PRKAR1A: variants seen among roughly 807,000 people sequenced by gnomAD.
PRKAR1A encodes the protein protein kinase cAMP-dependent type I regulatory subunit alpha, also known as cAMP-dependent protein kinase type I-alpha regulatory subunit.
PRKAR1A carries 3 observed loss-of-function variants against 52.0 expected under a neutral mutation model. The observed-to-expected ratio is 0.06, with a 90% CI of 0.03 to 0.15. The LOEUF is 0.15. Ranked by LOEUF, PRKAR1A falls within the 10% of genes least tolerant of loss-of-function variation. The pLI is 1.00. For missense variants in PRKAR1A, 240 were observed against 477.4 expected, an observed-to-expected ratio of 0.50 and a Z score of 4.63; for synonymous variants, 188 against 168.4, an observed-to-expected ratio of 1.12 and a Z score of -0.90.
chr17:68,482,231 T>C, the PRKAR1A span, among the ~76,000 whole-genome samples: 30 of 152,364 alleles, frequency 2.0e-4, no homozygotes, highest in Non-Finnish European at 4.0e-4. Flanking sequence ...AAAACTTATG[T>C]CGTCTTTATT....
At chr17:68,450,861 A>G in the PRKAR1A span, 9 of 1,613,850 alleles carry the variant, frequency 5.6e-6, no homozygotes, top group South Asian at 9.9e-5. Flanking sequence ...GCTGCTGGAG[A>G]AGAGGCGCTC....
Position 68,531,403 on chromosome 17 carries a change from G to T in PRKAR1A, c.*954G>T. On this transcript the variant is annotated 3_prime_UTR_variant, in exon 11 of 11. Coordinates refer to ENST00000589228, the MANE Select transcript of PRKAR1A (RefSeq NM_002734.5). ...GATTCCAGGAGATTGGATTTGCTGT[G>T]ACTAGATACAGATGGAGCAAATGTC... 1 of 1,065,926 alleles carries T rather than the reference G, an allele frequency of 9.4e-7. No homozygotes were observed. The highest frequency in any genetic ancestry group is 5.0e-5 in the East Asian group (1 of 20,138). 66.0% of individuals were successfully genotyped at this position (1,065,926 alleles called of 1,614,324 possible). A position where few individuals can be genotyped will look rare whatever the true frequency, so the allele number is the denominator to read the frequency against.
At chr17:68,524,860 A>G in intron 5 of PRKAR1A, 52 bp from the exon 6 acceptor site, 1 of 1,381,932 alleles carries the variant, frequency 7.2e-7, no homozygotes, top group Admixed American at 1.7e-5. Flanking sequence ...TAATTTTGAT[A>G]ATTTCTTTCT....
At chr17:68,424,045 T>C in the PRKAR1A span, among the ~76,000 whole-genome samples, 1 of 152,138 alleles carries the variant, frequency 6.6e-6, no homozygotes, top group Non-Finnish European at 1.5e-5. Context: ...AGCCTCGACT[T>C]CAGGTAAATA....
chr17:68,514,666 T>C lies in PRKAR1A; in HGVS notation c.-6-728T>C, dbSNP rs1483505173. Among the ~76,000 whole-genome samples, 3 of 152,228 alleles carry C rather than the reference T, an allele frequency of 2.0e-5. No homozygotes were observed. The South Asian group carries it at 6.2e-4, about 31-fold the overall frequency. On this transcript the variant is annotated intron_variant, in intron 1 of 10. Coordinates refer to ENST00000589228, the MANE Select transcript of PRKAR1A (RefSeq NM_002734.5). ...TCCTGTCAAGATGAAGAAAATATTT[T>C]GACAATTTTCTGTCCAAATGTTTTA...
chr17:68,431,823 G>C, the PRKAR1A span, among the ~76,000 whole-genome samples: 1 of 16,686 alleles, frequency 6.0e-5, no homozygotes, highest in Non-Finnish European at 1.3e-4. Flanking sequence ...GGTCACCTGT[G>C]CTCACAGACA....
At chr17:68,535,744 C>T (rs558566550), downstream of PRKAR1A, 1 of 452,022 alleles carries the variant, frequency 2.2e-6, no homozygotes, top group South Asian at 1.6e-5. Context: ...GCTCCTGAGA[C>T]CAAGCGATCT....
intron 7 of PRKAR1A, among the ~76,000 whole-genome samples, chr17:68,527,020 G>A (rs1232947095): frequency 2.0e-5 from 3 of 152,218 alleles, no homozygotes; most frequent in African/African-American, 7.2e-5. Context: ...TGACCATACA[G>A]TTAGTTCTGC....
the PRKAR1A span, among the ~76,000 whole-genome samples, chr17:68,486,506 C>CTTCCCTCTTTCT: frequency 2.1e-5 from 1 of 48,200 alleles, no homozygotes; most frequent in African/African-American, 7.9e-5. Flanking sequence ...TCCTTCCTTC[C>CTTCCCTCTTTCT]TTCTTTCTTT....
At chr17:68,486,024 C>A in the PRKAR1A span, among the ~76,000 whole-genome samples, 1 of 152,166 alleles carries the variant, frequency 6.6e-6, no homozygotes, top group South Asian at 2.1e-4. Flanking sequence ...CAGGCGTGAG[C>A]CATCGTGCCC....
downstream of PRKAR1A, chr17:68,535,263 G>T (rs2086068220): frequency 2.2e-6 from 1 of 453,292 alleles, no homozygotes. Context: ...AGTAATGGAA[G>T]GTTGAAAGAT....
At position 68,515,480 on chromosome 17, in the gene PRKAR1A, T is replaced by C. The variant is rs1235317386; in HGVS notation, c.81T>C (p.Ile27=). 2 of 1,613,504 alleles carry C rather than the reference T, an allele frequency of 1.2e-6. No individual in the cohort carries two copies. Among genetic ancestry groups the C allele is most frequent in the African/African-American group, 2.7e-5 (2 of 74,906 alleles). The stretch of plus-strand genomic sequence containing the variant: ...AGCTCTACGTCCAGAAGCATAACAT[T>C]CAAGCGCTGCTCAAAGATTCTATTG... ...ECELYVQKHN[I]QALLKDSIVQ... Residue 27 remains isoleucine (I), a synonymous_variant, in exon 2 of 11, where the codon ATT becomes ATC. Transcript: ENST00000589228.
chr17:68,523,583 A>T (rs2085685140), intron 3 of PRKAR1A, 142 bp from the exon 4 acceptor site: 2 of 697,476 alleles, frequency 2.9e-6, no homozygotes. Context: ...CAAAGATAGT[A>T]CAAGTGTGTT....
chr17:68,442,149 A>G, the PRKAR1A span, among the ~76,000 whole-genome samples: 619 of 152,304 alleles, frequency 4.1e-3, 7 homozygotes, highest in African/African-American at 0.014. Flanking sequence ...ACAGAAAAAC[A>G]ACTATATTTG....
chr17:68,432,126 T>C, the PRKAR1A span, among the ~76,000 whole-genome samples: 1 of 152,120 alleles, frequency 6.6e-6, no homozygotes, highest in Non-Finnish European at 1.5e-5. Flanking sequence ...AGCTTTGGGT[T>C]ACACCTGTGC....
the PRKAR1A span, among the ~76,000 whole-genome samples, chr17:68,470,877 A>C: frequency 2.0e-5 from 3 of 152,232 alleles, no homozygotes; most frequent in Non-Finnish European, 4.4e-5. Flanking sequence ...TGCCAAGCTA[A>C]TAAGTAATAG....
downstream of PRKAR1A, chr17:68,535,682 T>TG (rs1228331842): frequency 2.2e-6 from 1 of 447,034 alleles, no homozygotes; most frequent in East Asian, 7.0e-5. Flanking sequence ...TTTTTTTTTT[T>TG]GTATTTTTTT....
At chr17:68,465,275 C>T in the PRKAR1A span, among the ~76,000 whole-genome samples, 436 of 151,982 alleles carry the variant, frequency 2.9e-3, 1 homozygote, top group African/African-American at 0.01. Context: ...CTATCTGGTC[C>T]CTTCTGCTGC....
At chr17:68,416,833 T>C in the PRKAR1A span, among the ~76,000 whole-genome samples, 2 of 152,236 alleles carry the variant, frequency 1.3e-5, no homozygotes, top group African/African-American at 2.4e-5. Flanking sequence ...CTGTTTTTTC[T>C]TTATTCTATC....
Sources: allele counts gnomAD v4.1 joint callset (sites outside exome capture counted in the v4.1 genomes callset), GRCh38; gene constraint gnomAD v4.1.1; transcripts MANE v1.5; gene names NCBI Gene and HGNC (gene_info 2026-07-23, HGNC 2026-07-21).